The following MLLT3 variants were observed in gnomAD, a reference collection of about 807,000 sequenced individuals.
MLLT3 encodes the protein protein AF-9.
In MLLT3, 4 loss-of-function variants were observed where a neutral mutation model predicts 53.2. The observed-to-expected ratio is 0.08, with a 90% CI of 0.04 to 0.17. The LOEUF (loss-of-function observed/expected upper bound fraction) is 0.17, where lower values mean the gene tolerates loss of function less well. Among genes scored for constraint, MLLT3 ranks in the 10% least tolerant of loss-of-function variants. MLLT3 has a pLI of 1.00. For missense variants in MLLT3, 569 were observed against 684.0 expected (o/e 0.83, Z 1.87); for synonymous variants, 283 against 230.6 (o/e 1.23, Z -2.06).
intron 2 of MLLT3, among the ~76,000 whole-genome samples, chr9:20,493,151 C>CT (rs1824994011): frequency 6.6e-6 from 1 of 151,820 alleles, no homozygotes; most frequent in Non-Finnish European, 1.5e-5. Context: ...ACATTATAAA[C>CT]TTTTTCTTAT....
At chr9:20,495,117 C>T (rs1265088186) in intron 2 of MLLT3, among the ~76,000 whole-genome samples, 2 of 152,102 alleles carry the variant, frequency 1.3e-5, no homozygotes, top group African/African-American at 4.8e-5. Flanking sequence ...TCTTTTTGCC[C>T]TCAAGAGAAG....
At chr9:20,585,881 A>T (rs1819944848) in intron 2 of MLLT3, among the ~76,000 whole-genome samples, 1 of 152,220 alleles carries the variant, frequency 6.6e-6, no homozygotes, top group African/African-American at 2.4e-5. Flanking sequence ...AACACTAAAC[A>T]GACTGCTATA....
At chr9:20,392,154 A>G (rs1822200007) in intron 5 of MLLT3, among the ~76,000 whole-genome samples, 1 of 152,204 alleles carries the variant, frequency 6.6e-6, no homozygotes, top group Non-Finnish European at 1.5e-5. Context: ...TGTTAATCAG[A>G]ACACTCTAAG....
chr9:20,437,973 T>C (rs936023165), intron 4 of MLLT3, among the ~76,000 whole-genome samples: 11 of 152,228 alleles, frequency 7.2e-5, no homozygotes, highest in Non-Finnish European at 4.4e-5. Flanking sequence ...TTGAAACCCC[T>C]GGTTTAGCAA....
At chr9:20,375,599 TTTTTTC>T (rs1821743128) in intron 5 of MLLT3, among the ~76,000 whole-genome samples, 1 of 113,710 alleles carries the variant, frequency 8.8e-6, no homozygotes, top group Non-Finnish European at 1.5e-5. Flanking sequence ...TAATTTTTTT[TTTTTTC>T]TTTTCTTTTT....
chr9:20,427,459 T>A (rs1184187398), intron 4 of MLLT3, among the ~76,000 whole-genome samples: 1 of 151,856 alleles, frequency 6.6e-6, no homozygotes, highest in Non-Finnish European at 1.5e-5. Context: ...ATAAAAGCTA[T>A]TAAGATACAT....
intron 5 of MLLT3, among the ~76,000 whole-genome samples, chr9:20,385,968 A>C (rs1018237224): frequency 6.6e-6 from 1 of 152,114 alleles, no homozygotes. Context: ...TTTGTGTTGC[A>C]TCTCTCCCTT....
At chr9:20,452,089 T>C (rs1285865943) in intron 3 of MLLT3, among the ~76,000 whole-genome samples, 1 of 152,220 alleles carries the variant, frequency 6.6e-6, no homozygotes, top group Non-Finnish European at 1.5e-5. Flanking sequence ...ACAGGATATC[T>C]TTAATACGTG....
At chr9:20,616,644 T>C (rs983626281) in intron 2 of MLLT3, among the ~76,000 whole-genome samples, 5 of 152,162 alleles carry the variant, frequency 3.3e-5, no homozygotes, top group Admixed American at 6.5e-5. Context: ...CAAGCACTTT[T>C]TTGAAAAAAT....
intron 6 of MLLT3, 134 bp downstream of exon 6, chr9:20,365,534 TA>T: frequency 2.0e-6 from 2 of 1,010,374 alleles, no homozygotes; most frequent in Non-Finnish European, 3.0e-6. Flanking sequence ...AGACGTTTAC[TA>T]AACACGGTTT....
intron 5 of MLLT3, among the ~76,000 whole-genome samples, chr9:20,394,846 C>G (rs972829906): frequency 2.0e-5 from 3 of 152,044 alleles, no homozygotes; most frequent in African/African-American, 7.2e-5. Flanking sequence ...GAAATCTTGG[C>G]TTATTTCAAC....
intron 2 of MLLT3, among the ~76,000 whole-genome samples, chr9:20,589,440 G>A (rs984120510): frequency 9.1e-6 from 1 of 110,416 alleles, no homozygotes; most frequent in Non-Finnish European, 1.8e-5. Flanking sequence ...GTTGTGGGGT[G>A]GGGGGAGGGG....
intron 2 of MLLT3, among the ~76,000 whole-genome samples, chr9:20,534,269 A>G (rs541388561): frequency 6.6e-6 from 1 of 152,346 alleles, no homozygotes; most frequent in African/African-American, 2.4e-5. Flanking sequence ...AAGCAAGTCA[A>G]ATGAACAGCA....
At chr9:20,576,114 G>A (rs894828048) in intron 2 of MLLT3, among the ~76,000 whole-genome samples, 3 of 152,152 alleles carry the variant, frequency 2.0e-5, no homozygotes, top group African/African-American at 7.2e-5. Context: ...TTTATGTTAT[G>A]AAGATGGTTT....
At chr9:20,352,914 A>C (rs1821069995) in intron 10 of MLLT3, among the ~76,000 whole-genome samples, 1 of 152,160 alleles carries the variant, frequency 6.6e-6, no homozygotes, top group Non-Finnish European at 1.5e-5. Flanking sequence ...ACAGAGGCAT[A>C]CATCATTAAC....
intron 2 of MLLT3, among the ~76,000 whole-genome samples, chr9:20,501,203 G>A (rs896112136): frequency 6.6e-6 from 1 of 151,982 alleles, no homozygotes; most frequent in Non-Finnish European, 1.5e-5. Flanking sequence ...CCATTTCTAG[G>A]ACACCTCATT....
At position 20,620,584 on chromosome 9, in the gene MLLT3, G is replaced by T. The variant is rs1259229651; in HGVS notation, c.193+70C>A. 6.8e-6 allele frequency: 10 copies of T among 1,461,734 alleles called. No individual in the cohort carries two copies. The East Asian group carries it at 1.5e-4, about 22-fold the overall frequency. 90.5% of individuals were successfully genotyped at this position (1,461,734 alleles called of 1,614,324 possible). A position where few individuals can be genotyped will look rare whatever the true frequency, so the allele number is the denominator to read the frequency against. ...CGCGGGGGGCGGGGAGCGGGACAGC[G>T]GGACCGCCCGGGCCAAGCGATTGTT... On this transcript the variant is annotated intron_variant, in intron 2 of 10. Coordinates refer to ENST00000380338, the MANE Select transcript of MLLT3 (RefSeq NM_004529.4). The surrounding 1 kb of genome is among the most constrained non-coding windows in gnomAD (Gnocchi z 6.1).
chr9:20,455,063 A>G (rs1209441085), intron 3 of MLLT3, among the ~76,000 whole-genome samples: 1 of 152,250 alleles, frequency 6.6e-6, no homozygotes, highest in Non-Finnish European at 1.5e-5. Flanking sequence ...AATAAAAGAA[A>G]GCCAAAAACC....
chr9:20,499,566 A>G lies in MLLT3; in HGVS notation c.194-42780T>C, dbSNP rs542080207. Among the ~76,000 whole-genome samples, 8 of 152,330 alleles carry G rather than the reference A, an allele frequency of 5.3e-5. No individual in the cohort carries two copies. The East Asian group carries it at 1.2e-3, about 22-fold the overall frequency. On this transcript the variant is annotated intron_variant, in intron 2 of 10. Coordinates refer to ENST00000380338, the MANE Select transcript of MLLT3 (RefSeq NM_004529.4). ...CTTGAAACAGTCCATTTTTGCTGCA[A>G]TAACTGTTCTCATAGAGATACCTTC...
Sources: allele counts gnomAD v4.1 joint callset (sites outside exome capture counted in the v4.1 genomes callset), GRCh38; gene constraint gnomAD v4.1.1; non-coding constraint Gnocchi (gnomAD v3.1); transcripts MANE v1.5; gene names NCBI Gene and HGNC (gene_info 2026-07-23, HGNC 2026-07-21).